The following GRM7 variants were observed in gnomAD, a reference collection of about 807,000 sequenced individuals.
GRM7 encodes glutamate metabotropic receptor 7, also known as metabotropic glutamate receptor 7.
Under a neutral mutation model 84.5 loss-of-function variants are expected in GRM7, and 35 were observed. The observed-to-expected ratio is 0.41, with a 90% CI of 0.32 to 0.55. GRM7 has a LOEUF of 0.55. Ranked by LOEUF, GRM7 falls within the 20% of genes least tolerant of loss-of-function variation. The pLI, the probability that GRM7 is intolerant of heterozygous loss-of-function variation, is 0.19. For missense variants in GRM7, 1,003 were observed against 1,194.6 expected (o/e 0.84, Z 2.36); for synonymous variants, 487 against 455.1 (o/e 1.07, Z -0.89).
chr3:7,701,111 G>A (rs1240151640), intron 9 of GRM7, among the ~76,000 whole-genome samples: 2 of 152,130 alleles, frequency 1.3e-5, no homozygotes, highest in Admixed American at 1.3e-4. Context: ...AATTGGCACC[G>A]CCAGCATCCT....
chr3:7,294,893 A>G (rs771201320), intron 2 of GRM7, among the ~76,000 whole-genome samples: 1 of 152,206 alleles, frequency 6.6e-6, no homozygotes, highest in Non-Finnish European at 1.5e-5. Context: ...TGAGTTTAAG[A>G]GTTATTTATA....
In GRM7 at chr3:6,863,114, G is replaced by A; in HGVS notation, c.519+1207G>A. The A allele has an allele frequency of 2.8e-6, 1 of 355,462 alleles. No individual in the cohort carries two copies. Among genetic ancestry groups the A allele is most frequent in the Admixed American group, 4.0e-5 (1 of 25,290 alleles). 22.0% of individuals were successfully genotyped at this position (355,462 alleles called of 1,614,324 possible). On this transcript the variant is annotated intron_variant, in intron 1 of 9. Transcript: ENST00000357716. The surrounding 1 kb of genome is among the most constrained non-coding windows in gnomAD (Gnocchi z 4.8). Reference sequence around the variant, plus strand: ...TGCATCACTCTCTCTTTCTGTCTCTGTCTCCTTGCTGTTTTTTTTTTCTCT... The same window carrying A: ...TGCATCACTCTCTCTTTCTGTCTCTATCTCCTTGCTGTTTTTTTTTTCTCT...
chr3:6,941,062 T>A (rs1010067798), intron 1 of GRM7, among the ~76,000 whole-genome samples: 3 of 152,196 alleles, frequency 2.0e-5, no homozygotes, highest in African/African-American at 4.8e-5. Context: ...TTGAGTCACC[T>A]TTCCAGAAGA....
At chr3:7,533,330 C>T (rs556841614) in intron 7 of GRM7, among the ~76,000 whole-genome samples, 13 of 152,104 alleles carry the variant, frequency 8.5e-5, no homozygotes, top group Admixed American at 2.0e-4. Flanking sequence ...TTAGAACTCA[C>T]GATTAAGAAA....
intron 5 of GRM7, among the ~76,000 whole-genome samples, chr3:7,433,609 G>A (rs1392614962): frequency 6.6e-6 from 1 of 152,226 alleles, no homozygotes; most frequent in African/African-American, 2.4e-5. Flanking sequence ...TCATGAAAGT[G>A]ATTGAAGCAT....
At chr3:6,868,436 C>A (rs1695007899) in intron 1 of GRM7, among the ~76,000 whole-genome samples, 1 of 151,992 alleles carries the variant, frequency 6.6e-6, no homozygotes, top group Admixed American at 6.6e-5. Flanking sequence ...TTTTGTAGGC[C>A]CATAGAAACT....
At chr3:7,237,654 G>A (rs1297002466) in intron 2 of GRM7, among the ~76,000 whole-genome samples, 6 of 152,132 alleles carry the variant, frequency 3.9e-5, no homozygotes, top group Non-Finnish European at 7.3e-5. Context: ...AGCTCATAAA[G>A]GTAGTGTGGA....
At chr3:7,064,483 C>CACAA (rs1697565439) in intron 1 of GRM7, among the ~76,000 whole-genome samples, 1 of 59,856 alleles carries the variant, frequency 1.7e-5, no homozygotes, top group Non-Finnish European at 3.3e-5. Flanking sequence ...TATATATACA[C>CACAA]ACATATACAT....
chr3:6,993,182 A>G (rs1047425035), intron 1 of GRM7, among the ~76,000 whole-genome samples: 1 of 152,190 alleles, frequency 6.6e-6, no homozygotes, highest in Non-Finnish European at 1.5e-5. Flanking sequence ...AGATCTCGTG[A>G]GAACTTACTA....
intron 4 of GRM7, among the ~76,000 whole-genome samples, chr3:7,403,472 G>C (rs1219193847): frequency 2.0e-5 from 3 of 151,024 alleles, no homozygotes; most frequent in Non-Finnish European, 4.4e-5. Flanking sequence ...CTATGTAGCA[G>C]AATATTACTC....
chr3:7,706,223 A>G (rs1276933087), intron 9 of GRM7, among the ~76,000 whole-genome samples: 3 of 152,202 alleles, frequency 2.0e-5, no homozygotes, highest in Admixed American at 1.3e-4. Context: ...AATTCACTTG[A>G]TTGTATTTTT....
intron 5 of GRM7, among the ~76,000 whole-genome samples, chr3:7,450,381 TA>T (rs1245402937): frequency 6.6e-6 from 1 of 151,962 alleles, no homozygotes; most frequent in Non-Finnish European, 1.5e-5. Flanking sequence ...CCAATATATA[TA>T]AAAAATACAC....
intron 1 of GRM7, among the ~76,000 whole-genome samples, chr3:6,991,091 T>A (rs1271144280): frequency 6.6e-6 from 1 of 151,990 alleles, no homozygotes; most frequent in Admixed American, 6.6e-5. Context: ...CATACATACA[T>A]ACATGCACAC....
intron 7 of GRM7, among the ~76,000 whole-genome samples, chr3:7,567,672 C>T (rs372439574): frequency 5.1e-4 from 73 of 142,184 alleles, no homozygotes; most frequent in African/African-American, 1.8e-3. Flanking sequence ...TGCTTGAACC[C>T]GGGAGGCAGA....
intron 1 of GRM7, among the ~76,000 whole-genome samples, chr3:7,138,312 C>A (rs1444974958): frequency 6.6e-6 from 1 of 151,876 alleles, no homozygotes; most frequent in Non-Finnish European, 1.5e-5. Context: ...AGACGTTAGA[C>A]CCTTTTTATC....
chr3:7,521,341 A>T (rs912877564), intron 7 of GRM7, among the ~76,000 whole-genome samples: 1 of 152,170 alleles, frequency 6.6e-6, no homozygotes, highest in African/African-American at 2.4e-5. Context: ...ACATGTGGAA[A>T]TCCTAATCCC....
intron 7 of GRM7, among the ~76,000 whole-genome samples, chr3:7,552,014 C>T (rs1353325388): frequency 6.6e-6 from 1 of 152,192 alleles, no homozygotes; most frequent in Non-Finnish European, 1.5e-5. Flanking sequence ...ATAAAACCAT[C>T]ACATCTCATG....
In GRM7 at chr3:6,946,087, T is replaced by G. The variant is rs183566277; in HGVS notation, c.519+84180T>G. 3.3e-3 allele frequency among the ~76,000 whole-genome samples: 497 copies of G among 152,228 alleles called. 2 individuals are homozygous for G. Among genetic ancestry groups the G allele is most frequent in the African/African-American group, 9.2e-3 (383 of 41,562 alleles). ...AATTAGATCCCATTTGTCAATTTTGTCTTTTGTTGCCATTGCTTTTGGTGT... is the reference window on the plus strand; with the variant it reads ...AATTAGATCCCATTTGTCAATTTTGGCTTTTGTTGCCATTGCTTTTGGTGT... On this transcript the variant is annotated intron_variant, in intron 1 of 9. Coordinates refer to ENST00000357716, the MANE Select transcript of GRM7 (RefSeq NM_000844.4).
chr3:7,276,802 C>CCCTCCCTCCCTCCCTCCTCCCTTCCTTT (rs1559547078), intron 2 of GRM7, among the ~76,000 whole-genome samples: 1 of 72,168 alleles, frequency 1.4e-5, no homozygotes, highest in Non-Finnish European at 2.7e-5. Context: ...TTCCTTCCTT[C>CCCTCCCTCCCTCCCTCCTCCCTTCCTTT]CTTTTTGGTG....
Sources: gnomAD v4.1 joint callset for allele counts (sites outside exome capture counted in the v4.1 genomes callset) on GRCh38, gnomAD v4.1.1 for gene constraint, Gnocchi (gnomAD v3.1) non-coding constraint, MANE v1.5 for transcripts, NCBI Gene and HGNC (gene_info 2026-07-23, HGNC 2026-07-21) for gene names.